The following TRDMT1 variants were observed in gnomAD, a reference collection of about 807,000 sequenced individuals.
TRDMT1 encodes tRNA (cytosine(38)-C(5))-methyltransferase.
Under a neutral mutation model 51.2 loss-of-function variants are expected in TRDMT1, and 49 were observed. The observed-to-expected ratio is 0.96, with a 90% confidence interval of 0.76 to 1.21. The LOEUF is 1.21. Ranked by LOEUF, TRDMT1 falls within the 50% of genes most tolerant of loss-of-function variation. The pLI is 0.00. For missense variants in TRDMT1, 534 were observed against 462.3 expected (o/e 1.16, Z -1.42); for synonymous variants, 187 against 164.6 (o/e 1.14, Z -1.04).
Position 17,145,387 on chromosome 10 carries a change from A to C in TRDMT1, c.*3653T>G. On this transcript the variant is annotated 3_prime_UTR_variant, in exon 11 of 11. Transcript: ENST00000377799. Reference sequence around the variant, plus strand: ...GCTAAGAAGCTGATATGATAGTTGTATATAGCACATTTGAATGGTAGATGG... The same window carrying C: ...GCTAAGAAGCTGATATGATAGTTGTCTATAGCACATTTGAATGGTAGATGG... The C allele has an allele frequency of 1.0e-6, 1 of 985,456 alleles. No homozygotes were observed. The highest frequency in any genetic ancestry group is 1.2e-6 in the Non-Finnish European group (1 of 829,930). 61.0% of individuals were successfully genotyped at this position (985,456 alleles called of 1,614,324 possible).
chr10:17,186,434 G>C (rs911190740), intron 1 of TRDMT1, among the ~76,000 whole-genome samples: 1 of 152,120 alleles, frequency 6.6e-6, no homozygotes, highest in African/African-American at 2.4e-5. Flanking sequence ...AGAGGTCAGA[G>C]AGAAGGCTTT....
intron 1 of TRDMT1, among the ~76,000 whole-genome samples, chr10:17,182,068 G>C (rs1843348572): frequency 6.6e-6 from 1 of 152,140 alleles, no homozygotes; most frequent in Non-Finnish European, 1.5e-5. Flanking sequence ...AAGCCAATTA[G>C]GCACAATAAG....
At chr10:17,152,669 C>T (rs937339351) in intron 10 of TRDMT1, among the ~76,000 whole-genome samples, 3 of 152,166 alleles carry the variant, frequency 2.0e-5, no homozygotes, top group East Asian at 3.8e-4. Context: ...GCCTAAGAAA[C>T]CCACAGCCTC....
intron 1 of TRDMT1, among the ~76,000 whole-genome samples, chr10:17,180,263 G>A (rs181129851): frequency 7.2e-5 from 11 of 152,052 alleles, no homozygotes; most frequent in South Asian, 2.1e-4. Context: ...TCTTTCTGCC[G>A]GGTGTGGTGG....
intron 1 of TRDMT1, among the ~76,000 whole-genome samples, chr10:17,187,698 G>T (rs1187451182): frequency 6.6e-6 from 1 of 152,126 alleles, no homozygotes; most frequent in Non-Finnish European, 1.5e-5. Context: ...AACAAAACAG[G>T]CCAGAGGATA....
At position 17,162,198 on chromosome 10, in the gene TRDMT1, A is replaced by G. The variant is rs775505063; in HGVS notation, c.291T>C (p.Asn97=). Residue 97 remains asparagine (N), a synonymous_variant, in exon 4 of 11, where the codon AAT becomes AAC. Coordinates refer to ENST00000377799, the MANE Select transcript of TRDMT1 (RefSeq NM_004412.7). ...GAATATCTAGAATATGTAAGAAGCT[A>G]TTCGTCCTTGAATCAGTCATATCAC... ...RQGDMTDSRT[N]SFLHILDILP... The G allele has an allele frequency of 6.2e-7, 1 of 1,609,580 alleles. No individual in the cohort carries two copies. The highest frequency in any genetic ancestry group is 1.3e-5 in the African/African-American group (1 of 74,284).
At chr10:17,151,394 A>G (rs538303523) in intron 10 of TRDMT1, 65 of 983,024 alleles carry the variant, frequency 6.6e-5, no homozygotes, top group Non-Finnish European at 7.7e-5. Context: ...CGCAGAATAC[A>G]CACCACCAGT....
intron 1 of TRDMT1, among the ~76,000 whole-genome samples, chr10:17,186,652 TTA>T (rs751236016): frequency 7.0e-4 from 106 of 152,284 alleles, no homozygotes; most frequent in Admixed American, 6.5e-4. Flanking sequence ...GCTACTAAGT[TTA>T]TGTTTGTTAC....
At chr10:17,181,277 G>A (rs11254433) in intron 1 of TRDMT1, among the ~76,000 whole-genome samples, 20,759 of 152,064 alleles carry the variant, frequency 0.14, 1,514 homozygotes, top group Admixed American at 0.17. Flanking sequence ...GTAATGACTT[G>A]AGCTCCGTTT....
In TRDMT1 at chr10:17,139,231, G is replaced by A; in HGVS notation, c.*9809C>T. 1.0e-6 allele frequency: 1 copy of A among 985,228 alleles called. No individual in the cohort carries two copies. Among genetic ancestry groups the A allele is most frequent in the Non-Finnish European group, 1.2e-6 (1 of 829,810 alleles). 61.0% of individuals were successfully genotyped at this position (985,228 alleles called of 1,614,324 possible). Reference sequence around the variant, plus strand: ...AAAGGACAAAATGAGTTTTCTACTTGGTGACCCCTAAAATTCCCCAAACAA... The same window carrying A: ...AAAGGACAAAATGAGTTTTCTACTTAGTGACCCCTAAAATTCCCCAAACAA... On this transcript the variant is annotated 3_prime_UTR_variant, in exon 11 of 11. Transcript: ENST00000377799.
chr10:17,163,864 G>A (rs1430385311), intron 3 of TRDMT1, among the ~76,000 whole-genome samples: 5 of 152,108 alleles, frequency 3.3e-5, no homozygotes, highest in African/African-American at 1.2e-4. Flanking sequence ...TTGAAATTGA[G>A]GCAATAATTA....
Position 17,146,974 on chromosome 10 carries a change from T to C in TRDMT1, c.*2066A>G. 1 of 985,474 alleles carries C rather than the reference T, an allele frequency of 1.0e-6. No individual in the cohort carries two copies. Among genetic ancestry groups the C allele is most frequent in the Non-Finnish European group, 1.2e-6 (1 of 829,922 alleles). 61.0% of individuals were successfully genotyped at this position (985,474 alleles called of 1,614,324 possible). On this transcript the variant is annotated 3_prime_UTR_variant, in exon 11 of 11. Transcript: ENST00000377799. ...CCGTCTTCCTGTGAATACATTCCCA[T>C]AATTTAAGAATTCCACTAAGCTACA...
At chr10:17,194,685 C>A (rs1212958780) in intron 1 of TRDMT1, among the ~76,000 whole-genome samples, 3 of 152,146 alleles carry the variant, frequency 2.0e-5, no homozygotes, top group Non-Finnish European at 4.4e-5. Context: ...GTAATCCCAG[C>A]ACTTTGGGAG....
chr10:17,173,607 G>A (rs1424993603), intron 2 of TRDMT1, among the ~76,000 whole-genome samples: 1 of 152,118 alleles, frequency 6.6e-6, no homozygotes, highest in Non-Finnish European at 1.5e-5. Context: ...AGTCTTGATT[G>A]TGGTGGTAGT....
intron 3 of TRDMT1, among the ~76,000 whole-genome samples, chr10:17,163,367 A>G (rs1362421448): frequency 3.3e-5 from 5 of 152,184 alleles, no homozygotes; most frequent in Admixed American, 3.3e-4. Flanking sequence ...AGGGTTCAAA[A>G]GCATGTGTAT....
intron 3 of TRDMT1, among the ~76,000 whole-genome samples, chr10:17,162,637 G>A (rs1313232804): frequency 6.6e-6 from 1 of 152,132 alleles, no homozygotes; most frequent in Non-Finnish European, 1.5e-5. Flanking sequence ...GAGCCCGGGA[G>A]TTCCAGACCA....
chr10:17,161,098 C>T (rs539293641), intron 5 of TRDMT1, among the ~76,000 whole-genome samples: 205 of 152,204 alleles, frequency 1.3e-3, no homozygotes, highest in African/African-American at 4.5e-3. Flanking sequence ...GAAAGAACCC[C>T]GACACAGGAA....
intron 1 of TRDMT1, among the ~76,000 whole-genome samples, chr10:17,189,658 T>G (rs1177666172): frequency 6.6e-6 from 1 of 152,206 alleles, no homozygotes; most frequent in Non-Finnish European, 1.5e-5. Context: ...GGTACTTTAT[T>G]ACCATCTAAA....
intron 1 of TRDMT1, among the ~76,000 whole-genome samples, chr10:17,189,207 A>C (rs552252862): frequency 4.6e-5 from 7 of 152,306 alleles, no homozygotes; most frequent in Admixed American, 4.6e-4. Flanking sequence ...TATGCCAAAC[A>C]TGTCTATAAG....
Sources: gnomAD v4.1 joint callset for allele counts (sites outside exome capture counted in the v4.1 genomes callset) on GRCh38, gnomAD v4.1.1 for gene constraint, MANE v1.5 for transcripts, NCBI Gene and HGNC (gene_info 2026-07-23, HGNC 2026-07-21) for gene names.